Variants in HCN2 observed in about 807,000 individuals in gnomAD.
HCN2 encodes the protein hyperpolarization activated cyclic nucleotide gated potassium and sodium channel 2, also known as potassium/sodium hyperpolarization-activated cyclic nucleotide-gated channel 2.
In HCN2, 20 loss-of-function variants were observed where a neutral mutation model predicts 52.3. The ratio of observed to expected loss-of-function variants is 0.38; its 90% CI spans 0.27 to 0.56. HCN2 has a LOEUF of 0.56. HCN2 is among the 20% of genes least tolerant of loss of function. The pLI is 0.71. For synonymous variants in HCN2, 694 were observed against 537.0 expected (o/e 1.29, Z -4.04); for missense variants, 981 against 1,207.7 (o/e 0.81, Z 2.78).
At chr19:599,586 T>A (rs1404665552) in intron 1 of HCN2, among the ~76,000 whole-genome samples, 2 of 150,324 alleles carry the variant, frequency 1.3e-5, no homozygotes, top group African/African-American at 4.9e-5. Context: ...GAGACCATCC[T>A]GGCTAACATG....
chr19:608,290 G>A, intron 4 of HCN2, 108 bp downstream of exon 4: 1 of 1,014,382 alleles, frequency 9.9e-7, no homozygotes, highest in South Asian at 1.4e-5. Context: ...GAGGGAGGCA[G>A]GCCCGGTCCT....
chr19:616,207 C>T lies in HCN2; in HGVS notation c.2403C>T (p.Ala801=). ...CGCCCTACGGCGGCCTGCCCGCCGC[C>T]CCCCTTGCTGGGCCCGCCCTGCCCG... The part of the protein sequence containing the change: ...RTSPYGGLPA[A]PLAGPALPAR... Residue 801 remains alanine, a synonymous_variant, in exon 8 of 8, where the codon GCC becomes GCT. Coordinates refer to ENST00000251287, the MANE Select transcript of HCN2 (RefSeq NM_001194.4). The T allele has an allele frequency of 2.0e-6, 2 of 985,986 alleles. No individual in the cohort carries two copies. The highest frequency in any genetic ancestry group is 2.4e-6 in the Non-Finnish European group (2 of 831,072). The allele number at this position is 985,986 out of a possible 1,614,324, so 61.1% of individuals were successfully genotyped here.
chr19:610,315 G>A lies in HCN2; in HGVS notation c.1494G>A (p.Gln498=). 3 of 1,613,834 alleles carry A rather than the reference G, an allele frequency of 1.9e-6. No individual in the cohort carries two copies. Among genetic ancestry groups the A allele is most frequent in the Non-Finnish European group, 2.5e-6 (3 of 1,179,828 alleles). Residue 498 remains glutamine, a synonymous_variant, in exon 5 of 8, where the codon CAG becomes CAA. Transcript: ENST00000251287. ...SFHKLPADFR[Q]KIHDYYEHRY... is the part of the protein sequence containing the mutation. Reference sequence around the variant, plus strand: ...ACAAGCTGCCAGCTGACTTCCGCCAGAAGATCCACGACTACTATGAGCACC... The same window carrying A: ...ACAAGCTGCCAGCTGACTTCCGCCAAAAGATCCACGACTACTATGAGCACC...
chr19:613,075 C>A (rs556398195), intron 5 of HCN2, among the ~76,000 whole-genome samples, 173 bp from the exon 6 acceptor site: 1 of 152,324 alleles, frequency 6.6e-6, no homozygotes, highest in South Asian at 2.1e-4. Flanking sequence ...GGGCACTGAG[C>A]GTTTTTTCTT....
In HCN2 at chr19:616,788, TGA is replaced by T. The variant is rs1418507473; in HGVS notation, c.*318_*319del. 21 of 219,762 alleles carry T rather than the reference TGA, an allele frequency of 9.6e-5. No homozygotes were observed. Among genetic ancestry groups the T allele is most frequent in the Non-Finnish European group, 1.8e-5 (2 of 111,942 alleles). The allele number at this position is 219,762 out of a possible 1,614,324, so 13.6% of individuals were successfully genotyped here. On this transcript the variant is annotated 3_prime_UTR_variant, in exon 8 of 8. Transcript: ENST00000251287. ...GACAGGGACGGGGCGGCCCAGTGGC[TGA>T]GAGGAGCCGGCTGTGGAGCCCCGCC...
chr19:613,365 G>A lies in HCN2; in HGVS notation c.1702G>A (p.Gly568Ser), dbSNP rs370039688. The A allele has an allele frequency of 4.8e-5, 77 of 1,612,810 alleles. No individual in the cohort carries two copies. The highest frequency in any genetic ancestry group is 6.0e-5 in the Non-Finnish European group (71 of 1,179,882). ...TKLKFEVFQP[G>S]DYIIREGTIG... ...GCTCAAGTTCGAGGTCTTCCAGCCG[G>A]GTGACTACATCATCCGCGAAGGCAC... Residue 568 changes from glycine to serine, a missense_variant, in exon 6 of 8, where the codon GGT (glycine) becomes AGT (serine). Physicochemically the swap from Gly to Ser is moderately conservative, Grantham distance 56. Transcript: ENST00000251287.
chr19:604,741 G>GGGGGTTGTGCTGGGCGGGATCA (rs1983352608), intron 2 of HCN2, among the ~76,000 whole-genome samples: 1 of 133,034 alleles, frequency 7.5e-6, no homozygotes, highest in African/African-American at 2.8e-5. Flanking sequence ...GTGGGGATAT[G>GGGGGTTGTGCTGGGCGGGATCA]AGGGTTGTGC....
At chr19:596,144 G>T (rs1411878291) in intron 1 of HCN2, among the ~76,000 whole-genome samples, 2 of 152,268 alleles carry the variant, frequency 1.3e-5, no homozygotes, top group African/African-American at 4.8e-5. Flanking sequence ...GAGAGACGGG[G>T]ACCTGCGTCG....
In HCN2 at chr19:592,382, G is replaced by A. The variant is rs773705191; in HGVS notation, c.632+1805G>A. ...CGGTGGCCTGGGGGGCAGGTGGGCA[G>A]ATGGCTGATCCCGGGGCTTGGGGGG... On this transcript the variant is annotated intron_variant, in intron 1 of 7. Transcript: ENST00000251287. The surrounding 1 kb of genome is among the most constrained non-coding windows in gnomAD (Gnocchi z 4.8). Among the ~76,000 whole-genome samples, 8 of 152,222 alleles carry A rather than the reference G, an allele frequency of 5.3e-5. No homozygotes were observed. The highest frequency in any genetic ancestry group is 7.3e-5 in the Non-Finnish European group (5 of 68,036).
Position 614,033 on chromosome 19 carries a change from C to G in HCN2, c.1990+17C>G. ...ACCGCATCGGTGAGCGGGCCGGGGG[C>G]GTGGCCGGGGCGGGTGCCCTGGCGG... On this transcript the variant is annotated intron_variant, in intron 7 of 7. Coordinates refer to ENST00000251287, the MANE Select transcript of HCN2 (RefSeq NM_001194.4). 2.1e-6 allele frequency: 3 copies of G among 1,421,484 alleles called. No homozygotes were observed. Among genetic ancestry groups the G allele is most frequent in the Non-Finnish European group, 2.8e-6 (3 of 1,059,832 alleles). 88.1% of individuals were successfully genotyped at this position (1,421,484 alleles called of 1,614,324 possible). A position where few individuals can be genotyped will look rare whatever the true frequency, so the allele number is the denominator to read the frequency against.
chr19:604,082 G>C (rs1468998803), intron 2 of HCN2, 115 bp downstream of exon 2: 66 of 747,158 alleles, frequency 8.8e-5, no homozygotes, highest in Non-Finnish European at 1.1e-4. Context: ...GGCCAAGGCA[G>C]CAGGGGTGGG....
In HCN2 at chr19:616,219, G is replaced by A; in HGVS notation, c.2415G>A (p.Gly805=). Residue 805 remains glycine (G), a synonymous_variant, in exon 8 of 8, where the codon GGG becomes GGA. Transcript: ENST00000251287. ...YGGLPAAPLA[G]PALPARRLSR... Reference sequence around the variant, plus strand: ...GCCTGCCCGCCGCCCCCCTTGCTGGGCCCGCCCTGCCCGCGCGCCGCCTGA... The same window carrying A: ...GCCTGCCCGCCGCCCCCCTTGCTGGACCCGCCCTGCCCGCGCGCCGCCTGA... 1.0e-6 allele frequency: 1 copy of A among 989,626 alleles called. No homozygotes were observed. Among genetic ancestry groups the A allele is most frequent in the Non-Finnish European group, 1.2e-6 (1 of 834,760 alleles). 61.3% of individuals were successfully genotyped at this position (989,626 alleles called of 1,614,324 possible).
At chr19:609,002 G>C (rs1983516410) in intron 4 of HCN2, among the ~76,000 whole-genome samples, 1 of 152,194 alleles carries the variant, frequency 6.6e-6, no homozygotes, top group South Asian at 2.1e-4. Flanking sequence ...GCACCACTCT[G>C]TGCCTCAGTT....
At chr19:605,747 G>A (rs1212404784) in intron 3 of HCN2, among the ~76,000 whole-genome samples, 1 of 128,728 alleles carries the variant, frequency 7.8e-6, no homozygotes, top group Non-Finnish European at 1.7e-5. Flanking sequence ...CCTTACAGAG[G>A]TGGGGACCCA....
chr19:601,614 G>A lies in HCN2; in HGVS notation c.633-1930G>A, dbSNP rs114264274. Among the ~76,000 whole-genome samples, 670 of 151,188 alleles carry A rather than the reference G, an allele frequency of 4.4e-3. 1 individual carries two copies. Among genetic ancestry groups the A allele is most frequent in the African/African-American group, 0.013 (530 of 40,532 alleles). Reference sequence around the variant, plus strand: ...CTGGTGTGAACACGGCGGGGTGCTCGTCCGTCCTTGTTTTCATTTCTTTGG... The same window carrying A: ...CTGGTGTGAACACGGCGGGGTGCTCATCCGTCCTTGTTTTCATTTCTTTGG... On this transcript the variant is annotated intron_variant, in intron 1 of 7. Coordinates refer to ENST00000251287, the MANE Select transcript of HCN2 (RefSeq NM_001194.4).
At chr19:602,406 C>T (rs917818657) in intron 1 of HCN2, among the ~76,000 whole-genome samples, 6 of 145,714 alleles carry the variant, frequency 4.1e-5, no homozygotes, top group Non-Finnish European at 8.9e-5. Flanking sequence ...CCTGCGTGGA[C>T]GCCCCACTTC....
intron 1 of HCN2, among the ~76,000 whole-genome samples, chr19:599,847 C>CGTGTGAGTGTGTGT (rs1983148062): frequency 7.5e-6 from 1 of 133,302 alleles, no homozygotes; most frequent in Admixed American, 7.4e-5. Flanking sequence ...GAAGGGGTCC[C>CGTGTGAGTGTGTGT]GTGTGTGTGT....
chr19:614,096 G>C (rs1600539750), intron 7 of HCN2, 80 bp downstream of exon 7: 23 of 683,548 alleles, frequency 3.4e-5, no homozygotes, highest in Non-Finnish European at 4.4e-5. Flanking sequence ...GAGTGGCTTG[G>C]ACAGTGGCAG....
rs769980227 is a variant in HCN2, at chr19:605,244, G to A, written c.1218+22G>A. 23 of 1,607,532 alleles carry A rather than the reference G, an allele frequency of 1.4e-5. 1 individual carries two copies. Among genetic ancestry groups the A allele is most frequent in the East Asian group, 8.9e-5 (4 of 44,828 alleles). On this transcript the variant is annotated intron_variant, in intron 3 of 7. Coordinates refer to ENST00000251287, the MANE Select transcript of HCN2 (RefSeq NM_001194.4). ...GGTGGTGAGCGCCGCGGGCCCTGAC[G>A]GAGGGGGAGACGCAGGCTCCCATAC...
Sources: allele counts gnomAD v4.1 joint callset (sites outside exome capture counted in the v4.1 genomes callset), GRCh38; gene constraint gnomAD v4.1.1; non-coding constraint Gnocchi (gnomAD v3.1); transcripts MANE v1.5; gene names NCBI Gene and HGNC (gene_info 2026-07-23, HGNC 2026-07-21).